Variants in DGKI observed in about 807,000 individuals in gnomAD.
DGKI encodes diacylglycerol kinase iota.
In DGKI, 55 loss-of-function variants were observed where a neutral mutation model predicts 147.5. The observed-to-expected ratio is 0.37, with a 90% CI of 0.30 to 0.47. DGKI has a LOEUF of 0.47. Ranked by LOEUF, DGKI falls within the 20% of genes least tolerant of loss-of-function variation. The probability of loss-of-function intolerance (pLI) is 1.00; values close to 1 mark genes in which losing one functional copy is unlikely to be tolerated. For missense variants in DGKI, 1,007 were observed against 1,323.8 expected (o/e 0.76, Z 3.71); for synonymous variants, 469 against 477.1 (o/e 0.98, Z 0.22).
At chr7:137,633,073 G>A (rs553638593) in intron 6 of DGKI, among the ~76,000 whole-genome samples, 11 of 152,098 alleles carry the variant, frequency 7.2e-5, no homozygotes, top group African/African-American at 2.2e-4. Context: ...TTACTCGGGC[G>A]TGGTGACGCA....
At chr7:137,817,622 C>T (rs1797777433) in intron 1 of DGKI, among the ~76,000 whole-genome samples, 1 of 152,208 alleles carries the variant, frequency 6.6e-6, no homozygotes, top group African/African-American at 2.4e-5. Flanking sequence ...CATAATTTCA[C>T]TAGTGATTAA....
At chr7:137,486,406 C>A (rs1007724341) in intron 22 of DGKI, among the ~76,000 whole-genome samples, 14 of 151,862 alleles carry the variant, frequency 9.2e-5, no homozygotes, top group African/African-American at 3.4e-4. Context: ...TTTTTCATTA[C>A]AGGTTTCTGG....
intron 1 of DGKI, among the ~76,000 whole-genome samples, chr7:137,707,758 C>A (rs1023312084): frequency 6.6e-6 from 1 of 152,166 alleles, no homozygotes; most frequent in Non-Finnish European, 1.5e-5. Flanking sequence ...AACCATGAAT[C>A]AATTGAGCCT....
rs913883052 is a variant in DGKI at position 137,568,867 on chromosome 7, T to C, written c.1947+2308A>G. On this transcript the variant is annotated intron_variant, in intron 19 of 32. Transcript: ENST00000614521. ...AATTAGTGTAATATTCTAATTATCA[T>C]ACTAAATATACGAATTAGTATAATA... 2.0e-5 allele frequency among the ~76,000 whole-genome samples: 3 copies of C among 151,540 alleles called. No individual in the cohort carries two copies. In the East Asian group the frequency reaches 5.8e-4, roughly 29 times the overall value.
At chr7:137,692,573 C>T (rs951101675) in intron 1 of DGKI, among the ~76,000 whole-genome samples, 9 of 152,096 alleles carry the variant, frequency 5.9e-5, no homozygotes, top group African/African-American at 1.4e-4. Flanking sequence ...AGACTCTGAC[C>T]GCCAAAACCC....
chr7:137,496,661 A>C (rs10236626), intron 21 of DGKI, among the ~76,000 whole-genome samples: 25,138 of 151,996 alleles, frequency 0.17, 3,140 homozygotes, highest in African/African-American at 0.36. Context: ...CTACAACCAT[A>C]TGATCTTCAA....
chr7:137,786,523 T>G (rs948305894), intron 1 of DGKI, among the ~76,000 whole-genome samples: 3 of 152,058 alleles, frequency 2.0e-5, no homozygotes, highest in African/African-American at 4.8e-5. Flanking sequence ...GAATCAATAT[T>G]GTGAAAATGA....
intron 1 of DGKI, among the ~76,000 whole-genome samples, chr7:137,821,356 T>C (rs889378119): frequency 5.3e-5 from 8 of 152,000 alleles, no homozygotes. Context: ...CTTGGAATGC[T>C]TGAAAAAAAG....
At chr7:137,448,258 A>C (rs1813788865) in intron 27 of DGKI, among the ~76,000 whole-genome samples, 1 of 147,924 alleles carries the variant, frequency 6.8e-6, no homozygotes, top group Admixed American at 6.9e-5. Flanking sequence ...AGAGCAGCAC[A>C]CCAAATCACT....
At chr7:137,786,275 C>T (rs1021556853) in intron 1 of DGKI, among the ~76,000 whole-genome samples, 3 of 152,136 alleles carry the variant, frequency 2.0e-5, no homozygotes, top group African/African-American at 7.2e-5. Flanking sequence ...AGCAATGTTT[C>T]AGGATACAAA....
At position 137,383,457 on chromosome 7, in the gene DGKI, C is replaced by A. The variant is rs941480618; in HGVS notation, c.*7763G>T. The A allele has an allele frequency of 6.0e-5, 9 of 151,202 alleles. No individual in the cohort carries two copies. Among genetic ancestry groups the A allele is most frequent in the African/African-American group, 1.9e-4 (8 of 41,152 alleles). The allele number at this position is 151,202 out of a possible 1,614,324, so 9.4% of individuals were successfully genotyped here. A position where few individuals can be genotyped will look rare whatever the true frequency, so the allele number is the denominator to read the frequency against. On this transcript the variant is annotated 3_prime_UTR_variant, in exon 33 of 33. Coordinates refer to ENST00000614521, the MANE Select transcript of DGKI (RefSeq NM_001321708.2). Reference sequence around the variant, plus strand: ...TTCATTGCTATCTAGTTGGCAGGAACCTGGGGGAAAAAAATAGGCTCAAAT... The same window carrying A: ...TTCATTGCTATCTAGTTGGCAGGAAACTGGGGGAAAAAAATAGGCTCAAAT...
chr7:137,748,760 G>A (rs1191418632), intron 1 of DGKI, among the ~76,000 whole-genome samples: 1 of 152,090 alleles, frequency 6.6e-6, no homozygotes, highest in Non-Finnish European at 1.5e-5. Flanking sequence ...CCATCACACA[G>A]ATCATGATGC....
At position 137,531,262 on chromosome 7, in the gene DGKI, A is replaced by G. The variant is rs1286119204; in HGVS notation, c.2148-9296T>C. On this transcript the variant is annotated intron_variant, in intron 20 of 32. Coordinates refer to ENST00000614521, the MANE Select transcript of DGKI (RefSeq NM_001321708.2). ...AAGAACTGTTGGAATGGGAACAAGT[A>G]AAAACTCAAGCCCTGTCTTTCATCA... Among the ~76,000 whole-genome samples the G allele has an allele frequency of 2.0e-5, 3 of 152,220 alleles. No individual in the cohort carries two copies. The South Asian group carries it at 6.2e-4, about 31-fold the overall frequency.
chr7:137,418,979 A>T (rs1351813429), intron 28 of DGKI, among the ~76,000 whole-genome samples: 2 of 152,180 alleles, frequency 1.3e-5, no homozygotes, highest in East Asian at 3.8e-4. Context: ...CTTTCATTTC[A>T]TAGATGAGGA....
At chr7:137,647,795 G>T (rs1297267131) in intron 5 of DGKI, among the ~76,000 whole-genome samples, 1 of 152,192 alleles carries the variant, frequency 6.6e-6, no homozygotes, top group African/African-American at 2.4e-5. Context: ...TAGGAATAAG[G>T]GTTAGGGAGA....
At chr7:137,563,205 C>T (rs541084374) in intron 19 of DGKI, among the ~76,000 whole-genome samples, 1 of 151,960 alleles carries the variant, frequency 6.6e-6, no homozygotes, top group East Asian at 1.9e-4. Flanking sequence ...AAATACACCA[C>T]TCATTTGTGA....
chr7:137,658,992 T>C (rs1822322771), intron 3 of DGKI, among the ~76,000 whole-genome samples: 1 of 152,248 alleles, frequency 6.6e-6, no homozygotes, highest in Non-Finnish European at 1.5e-5. Context: ...TCTTAAAATA[T>C]ATTATGAACT....
intron 21 of DGKI, among the ~76,000 whole-genome samples, chr7:137,517,397 AAG>A (rs1281434229): frequency 3.3e-5 from 5 of 149,836 alleles, no homozygotes; most frequent in African/African-American, 7.4e-5. Context: ...GGGAGGGAGA[AAG>A]AGAGAGAAAG....
intron 22 of DGKI, among the ~76,000 whole-genome samples, chr7:137,486,349 T>C (rs1815558337): frequency 6.6e-6 from 1 of 152,126 alleles, no homozygotes; most frequent in Admixed American, 6.5e-5. Context: ...CTACATGTGT[T>C]AATTTTAAAA....
Sources: gnomAD v4.1 joint callset for allele counts (sites outside exome capture counted in the v4.1 genomes callset) on GRCh38, gnomAD v4.1.1 for gene constraint, MANE v1.5 for transcripts, NCBI Gene and HGNC (gene_info 2026-07-23, HGNC 2026-07-21) for gene names.